Variants in ANKRD17 observed in about 807,000 individuals in gnomAD.
ANKRD17 encodes ankyrin repeat domain-containing protein 17.
A neutral mutation model predicts 229.7 loss-of-function variants in ANKRD17; 19 were observed. The ratio of observed to expected loss-of-function variants is 0.08; its 90% CI spans 0.06 to 0.12. The LOEUF is 0.12. ANKRD17 is among the 10% of genes least tolerant of loss of function. ANKRD17 has a pLI of 1.00. For synonymous variants in ANKRD17, 1,112 were observed against 1,146.1 expected (o/e 0.97, Z 0.60); for missense variants, 2,176 against 3,176.8 (o/e 0.68, Z 7.57).
chr4:73,150,879 G>A (rs1268422347), intron 7 of ANKRD17, among the ~76,000 whole-genome samples: 1 of 152,004 alleles, frequency 6.6e-6, no homozygotes, highest in Admixed American at 6.6e-5. Context: ...ACAATCTAGG[G>A]CTCAGAAAAG....
chr4:73,138,593 A>C (rs1260853026), intron 15 of ANKRD17, among the ~76,000 whole-genome samples: 3 of 152,182 alleles, frequency 2.0e-5, no homozygotes, highest in Non-Finnish European at 1.5e-5. Context: ...CTAAGTACAG[A>C]TGAATGAATA....
intron 27 of ANKRD17, among the ~76,000 whole-genome samples, chr4:73,095,311 A>C (rs1044262194): frequency 2.0e-5 from 3 of 151,972 alleles, no homozygotes; most frequent in African/African-American, 7.3e-5. Context: ...TTAAAAAGCA[A>C]AATCTGAGGC....
At chr4:73,152,230 A>T (rs1207794507) in intron 6 of ANKRD17, among the ~76,000 whole-genome samples, 2 of 152,222 alleles carry the variant, frequency 1.3e-5, no homozygotes, top group Non-Finnish European at 2.9e-5. Flanking sequence ...AATGAGCTAC[A>T]ATCAATTCTT....
intron 1 of ANKRD17, among the ~76,000 whole-genome samples, chr4:73,228,636 A>G (rs1297874673): frequency 6.6e-6 from 1 of 152,224 alleles, no homozygotes; most frequent in East Asian, 1.9e-4. Context: ...TACTTTCTGT[A>G]TCCCAATTTT....
intron 2 of ANKRD17, among the ~76,000 whole-genome samples, chr4:73,176,425 A>G (rs1464431246): frequency 6.6e-6 from 1 of 152,126 alleles, no homozygotes; most frequent in Non-Finnish European, 1.5e-5. Flanking sequence ...GAGCTACCAC[A>G]TGACCCAGCA....
chr4:73,137,733 A>C (rs1729094135), intron 15 of ANKRD17, among the ~76,000 whole-genome samples: 1 of 152,204 alleles, frequency 6.6e-6, no homozygotes, highest in Admixed American at 6.5e-5. Context: ...ATAAAAAAGT[A>C]AAATATTTTT....
At chr4:73,172,528 TGTG>T (rs1560649045) in intron 2 of ANKRD17, among the ~76,000 whole-genome samples, 2 of 152,232 alleles carry the variant, frequency 1.3e-5, no homozygotes, top group East Asian at 3.8e-4. Flanking sequence ...ACACTGTACC[TGTG>T]GTGTGTTAAC....
At chr4:73,109,620 T>A (rs899795266) in intron 24 of ANKRD17, among the ~76,000 whole-genome samples, 1 of 152,098 alleles carries the variant, frequency 6.6e-6, no homozygotes, top group Non-Finnish European at 1.5e-5. Context: ...GAAGACTAAA[T>A]TAAACTAAGG....
intron 13 of ANKRD17, 37 bp downstream of exon 13, chr4:73,142,205 G>A (rs1410814768): frequency 6.6e-7 from 1 of 1,505,866 alleles, no homozygotes; most frequent in Admixed American, 2.6e-5. Flanking sequence ...GGATAAAGAA[G>A]ACATACCATA....
chr4:73,078,154 G>A (rs940880151), intron 31 of ANKRD17, among the ~76,000 whole-genome samples: 4 of 152,042 alleles, frequency 2.6e-5, no homozygotes, highest in East Asian at 3.9e-4. Flanking sequence ...CGAGGCGGGC[G>A]GATCACAAGG....
In ANKRD17 at chr4:73,151,588, TATA is replaced by T. The variant is rs969667133; in HGVS notation, c.1235-67_1235-65del. The T allele has an allele frequency of 6.8e-5, 84 of 1,231,210 alleles. 1 individual carries two copies. In the South Asian group the frequency reaches 8.4e-4, roughly 12 times the overall value. The allele number at this position is 1,231,210 out of a possible 1,614,324, so 76.3% of individuals were successfully genotyped here. Reference sequence around the variant, plus strand: ...ATTATTCCAAAATATTTTTTAAAATTATAATATTTTGAAAAGTTATATTTAACT... The same window carrying T: ...ATTATTCCAAAATATTTTTTAAAATTATATTTTGAAAAGTTATATTTAACT... On this transcript the variant is annotated intron_variant, in intron 6 of 33. Coordinates refer to ENST00000358602, the MANE Select transcript of ANKRD17 (RefSeq NM_032217.5).
chr4:73,175,427 G>A (rs1734606003), intron 2 of ANKRD17, among the ~76,000 whole-genome samples: 1 of 152,056 alleles, frequency 6.6e-6, no homozygotes, highest in African/African-American at 2.4e-5. Flanking sequence ...GATTTTGGTG[G>A]GGACACAGAG....
At chr4:73,196,895 TAAG>T (rs1266632548) in intron 1 of ANKRD17, among the ~76,000 whole-genome samples, 3 of 152,208 alleles carry the variant, frequency 2.0e-5, no homozygotes, top group African/African-American at 4.8e-5. Context: ...TTGGAATACT[TAAG>T]AAATCTGATT....
At chr4:73,147,136 ACT>A (rs1730391016) in intron 9 of ANKRD17, 103 bp downstream of exon 9, 1 of 1,121,174 alleles carries the variant, frequency 8.9e-7, no homozygotes, top group East Asian at 2.5e-5. Flanking sequence ...GTTTTTTTAA[ACT>A]CACACATTCA....
chr4:73,244,264 A>G (rs1744291530), intron 1 of ANKRD17, among the ~76,000 whole-genome samples: 1 of 152,150 alleles, frequency 6.6e-6, no homozygotes, highest in Non-Finnish European at 1.5e-5. Context: ...AAATATTAAT[A>G]TTAATGTTGG....
chr4:73,258,581 G>A lies in ANKRD17; in HGVS notation c.88C>T (p.Pro30Ser), dbSNP rs768778381. 1.4e-6 allele frequency: 2 copies of A among 1,466,418 alleles called. No individual in the cohort carries two copies. Among genetic ancestry groups the A allele is most frequent in the South Asian group, 1.3e-5 (1 of 74,226 alleles). 90.8% of individuals were successfully genotyped at this position (1,466,418 alleles called of 1,614,324 possible). The change falls in exon 1 of 34, where the codon CCC becomes TCC. Residue 30 changes from proline (P) to serine (S), a missense_variant. Coordinates refer to ENST00000358602, the MANE Select transcript of ANKRD17 (RefSeq NM_032217.5). ...PPAVAAVAGPPAAAEVGGGVG... is the reference protein window; with the variant it reads ...PPAVAAVAGPSAAAEVGGGVG... Reference sequence around the variant, plus strand: ...CCGCCGCCGACCTCCGCCGCCGCGGGGGGGCCCGCCACAGCCGCCACCGCC... The same window carrying A: ...CCGCCGCCGACCTCCGCCGCCGCGGAGGGGCCCGCCACAGCCGCCACCGCC...
chr4:73,174,093 A>AGAAGGGAGGAAGGAAG (rs1734402465), intron 2 of ANKRD17, among the ~76,000 whole-genome samples: 1 of 111,200 alleles, frequency 9.0e-6, no homozygotes, highest in Non-Finnish European at 1.9e-5. Context: ...AAGGGAGGGG[A>AGAAGGGAGGAAGGAAG]GAAGGAAGGA....
intron 16 of ANKRD17, among the ~76,000 whole-genome samples, chr4:73,132,984 C>T (rs954215673): frequency 7.2e-5 from 11 of 152,180 alleles, no homozygotes; most frequent in Non-Finnish European, 1.2e-4. Flanking sequence ...CGGTGGCACA[C>T]GCCTGTAATC....
At chr4:73,218,639 T>C (rs1194657817) in intron 1 of ANKRD17, among the ~76,000 whole-genome samples, 1 of 129,690 alleles carries the variant, frequency 7.7e-6, no homozygotes, top group Non-Finnish European at 1.6e-5. Flanking sequence ...TGAGACTCTG[T>C]CTCAAAAAAA....
Sources: gnomAD v4.1 joint callset for allele counts (sites outside exome capture counted in the v4.1 genomes callset) on GRCh38, gnomAD v4.1.1 for gene constraint, MANE v1.5 for transcripts, NCBI Gene and HGNC (gene_info 2026-07-23, HGNC 2026-07-21) for gene names.